The following DMD variants were observed in gnomAD, a reference collection of about 807,000 sequenced individuals.
DMD encodes dystrophin.
DMD carries 63 observed loss-of-function variants against 330.1 expected under a neutral mutation model. That is an observed-to-expected ratio of 0.19 (90% CI 0.16 to 0.24). The LOEUF (loss-of-function observed/expected upper bound fraction) is 0.24. DMD is among the 10% of genes least tolerant of loss of function. DMD has a pLI of 1.00. For missense variants in DMD, 3,344 were observed against 2,684.1 expected (o/e 1.25, Z -5.43); for synonymous variants, 1,223 against 959.8 (o/e 1.27, Z -5.07).
intron 9 of DMD, among the ~76,000 whole-genome samples, chrX:32,677,956 G>A (rs768029933): frequency 1.7e-3 from 189 of 111,934 alleles, no homozygotes; most frequent in Non-Finnish European, 3.0e-3. Flanking sequence ...TATGTGACAA[G>A]TTGGATGAAC....
intron 15 of DMD, among the ~76,000 whole-genome samples, chrX:32,568,195 A>T (rs758342901): frequency 8.9e-6 from 1 of 112,328 alleles, no homozygotes; most frequent in African/African-American, 3.2e-5. Context: ...TAAGCATTAC[A>T]AAAATGAAAG....
intron 51 of DMD, among the ~76,000 whole-genome samples, chrX:31,735,220 T>G (rs1252604301): frequency 8.9e-6 from 1 of 111,887 alleles, no homozygotes; most frequent in Non-Finnish European, 1.9e-5. Flanking sequence ...CTTCTCTCCC[T>G]CTCTCTTCCT....
At chrX:33,008,897 T>G (rs1488322113) in intron 2 of DMD, among the ~76,000 whole-genome samples, 1 of 86,375 alleles carries the variant, frequency 1.2e-5, no homozygotes, top group Admixed American at 1.3e-4. Context: ...TACGTGTATA[T>G]ATACACATAC....
At chrX:33,017,944 T>G (rs764419455) in intron 2 of DMD, among the ~76,000 whole-genome samples, 4 of 112,359 alleles carry the variant, frequency 3.6e-5, no homozygotes, top group Non-Finnish European at 7.5e-5. Context: ...ATATCACAAT[T>G]ATGTTTATCT....
At chrX:31,278,163 G>A (rs142116016) in intron 62 of DMD, among the ~76,000 whole-genome samples, 5,049 of 111,194 alleles carry the variant, frequency 0.045, 110 homozygotes, top group Non-Finnish European at 0.072. Context: ...GTACCAGGAT[G>A]ACATATAAAA....
intron 55 of DMD, among the ~76,000 whole-genome samples, chrX:31,572,097 T>A: frequency 9.0e-6 from 1 of 110,845 alleles, no homozygotes; most frequent in Non-Finnish European, 1.9e-5. Context: ...GGTTTGCCTA[T>A]GTAATAAACC....
chrX:32,768,651 T>C (rs1412211080), intron 7 of DMD, among the ~76,000 whole-genome samples: 1 of 112,018 alleles, frequency 8.9e-6, no homozygotes, highest in Non-Finnish European at 1.9e-5. Context: ...TTTTAGAAAT[T>C]ATAATCCCAC....
intron 38 of DMD, 79 bp from the exon 39 acceptor site, chrX:32,346,159 T>C: frequency 1.9e-6 from 2 of 1,046,813 alleles, no homozygotes; most frequent in Non-Finnish European, 2.7e-6. Flanking sequence ...ATAAGACATG[T>C]TATTTAAACA....
chrX:33,241,565 A>T (rs894437021), intron 1 of DMD, among the ~76,000 whole-genome samples: 1 of 112,058 alleles, frequency 8.9e-6, no homozygotes, highest in Non-Finnish European at 1.9e-5. Flanking sequence ...TCTGTAAAAA[A>T]TGTCACTGGT....
intron 43 of DMD, among the ~76,000 whole-genome samples, chrX:32,279,320 C>G (rs1220286206): frequency 9.0e-6 from 1 of 111,245 alleles, no homozygotes; most frequent in African/African-American, 3.3e-5. Flanking sequence ...GTATATATCC[C>G]AAAGAAAGCA....
chrX:32,975,108 A>T lies in DMD; in HGVS notation c.93+45031T>A, dbSNP rs1455290236. ...TCAGGAACCAGTGGAAAATCTGCTT[A>T]TCTAGACCTTGAAGCATCATTTTTT... On this transcript the variant is annotated intron_variant, in intron 2 of 78. Transcript: ENST00000357033. Among the ~76,000 whole-genome samples the T allele has an allele frequency of 2.7e-5, 3 of 111,220 alleles. No homozygotes were observed. In the East Asian group the frequency reaches 8.5e-4, roughly 32 times the overall value.
chrX:31,138,678 A>T lies in DMD; in HGVS notation c.10922-4484T>A, dbSNP rs1456940255. 4.6e-4 allele frequency among the ~76,000 whole-genome samples: 19 copies of T among 41,531 alleles called. 3 individuals are homozygous for T. The highest frequency in any genetic ancestry group is 1.5e-3 in the South Asian group (1 of 673). 36.1% of individuals were successfully genotyped at this position (41,531 alleles called of 115,157 possible). A position where few individuals can be genotyped will look rare whatever the true frequency, so the allele number is the denominator to read the frequency against. ...GAGAGAGAGAGAGAGAGAGAGAGAGAGAGAGAGAGAAGGGGGAAGTGCCAC... is the reference window on the plus strand; with the variant it reads ...GAGAGAGAGAGAGAGAGAGAGAGAGTGAGAGAGAGAAGGGGGAAGTGCCAC... On this transcript the variant is annotated intron_variant, in intron 76 of 78. Coordinates refer to ENST00000357033, the MANE Select transcript of DMD (RefSeq NM_004006.3).
chrX:33,183,504 A>C (rs1020772542), intron 1 of DMD, among the ~76,000 whole-genome samples: 2 of 111,537 alleles, frequency 1.8e-5, no homozygotes, highest in African/African-American at 6.5e-5. Context: ...AGGCTCGGCT[A>C]TTTTTAGGTT....
intron 2 of DMD, among the ~76,000 whole-genome samples, chrX:32,899,427 G>T (rs980271065): frequency 1.8e-5 from 2 of 110,727 alleles, no homozygotes; most frequent in African/African-American, 6.6e-5. Context: ...TGCAATCACA[G>T]CACTTTGGGA....
At chrX:32,585,322 A>G (rs996806239) in intron 13 of DMD, among the ~76,000 whole-genome samples, 9 of 112,306 alleles carry the variant, frequency 8.0e-5, no homozygotes, top group African/African-American at 2.9e-4. Flanking sequence ...TATCACATGT[A>G]CTCTATAAGT....
chrX:32,295,361 T>G (rs1045343098), intron 42 of DMD, among the ~76,000 whole-genome samples: 1 of 112,184 alleles, frequency 8.9e-6, no homozygotes, highest in Admixed American at 9.5e-5. Context: ...CAGTAACTTT[T>G]ACAACCGGCA....
rs190641295 is a variant in DMD, at chrX:32,447,769, A to G, written c.3786+687T>C. ...GATAAAGTTTTGTGCCCCTTGGCACAGTATTTTCATAAGAAAGGTCATAGC... is the reference window on the plus strand; with the variant it reads ...GATAAAGTTTTGTGCCCCTTGGCACGGTATTTTCATAAGAAAGGTCATAGC... On this transcript the variant is annotated intron_variant, in intron 27 of 78. Transcript: ENST00000357033. 2.4e-3 allele frequency among the ~76,000 whole-genome samples: 274 copies of G among 112,052 alleles called. 3 individuals carry two copies. The South Asian group carries it at 0.052, about 21-fold the overall frequency.
chrX:32,897,771 T>C (rs1182233634), intron 2 of DMD, among the ~76,000 whole-genome samples: 1 of 111,993 alleles, frequency 8.9e-6, no homozygotes, highest in Non-Finnish European at 1.9e-5. Flanking sequence ...AGAGCATGAC[T>C]GTTAAGAAGC....
At chrX:32,597,583 A>C (rs1467833064) in intron 12 of DMD, among the ~76,000 whole-genome samples, 1 of 112,020 alleles carries the variant, frequency 8.9e-6, no homozygotes, top group Non-Finnish European at 1.9e-5. Flanking sequence ...AACCAGAATA[A>C]TTCAAATACT....
Sources: gnomAD v4.1 joint callset for allele counts (sites outside exome capture counted in the v4.1 genomes callset) on GRCh38, gnomAD v4.1.1 for gene constraint, MANE v1.5 for transcripts, NCBI Gene and HGNC (gene_info 2026-07-23, HGNC 2026-07-21) for gene names.